The following PARD3B variants were observed in gnomAD, a reference collection of about 807,000 sequenced individuals.
The protein encoded by PARD3B is par-3 family cell polarity regulator beta.
A neutral mutation model predicts 130.2 loss-of-function variants in PARD3B; 103 were observed. The observed-to-expected ratio is 0.79, with a 90% CI of 0.67 to 0.93. The LOEUF is 0.93. Ranked by LOEUF, PARD3B falls within the 40% of genes least tolerant of loss-of-function variation. The pLI is 0.00. For missense variants in PARD3B, 1,609 were observed against 1,499.2 expected (o/e 1.07, Z -1.21); for synonymous variants, 583 against 553.2 (o/e 1.05, Z -0.76).
chr2:204,947,708 C>G (rs543408960), intron 2 of PARD3B, among the ~76,000 whole-genome samples: 19 of 152,226 alleles, frequency 1.2e-4, no homozygotes, highest in Admixed American at 1.1e-3. Context: ...TCTGAAGATT[C>G]TTTCCATGCA....
intron 20 of PARD3B, among the ~76,000 whole-genome samples, chr2:205,455,439 G>A (rs975154462): frequency 1.3e-5 from 2 of 152,042 alleles, no homozygotes; most frequent in Non-Finnish European, 2.9e-5. Flanking sequence ...TGATATGTGA[G>A]CATTTACACC....
At chr2:204,938,394 G>A (rs980905236) in intron 2 of PARD3B, among the ~76,000 whole-genome samples, 5 of 152,130 alleles carry the variant, frequency 3.3e-5, no homozygotes, top group African/African-American at 4.8e-5. Flanking sequence ...TTCCCTCTGC[G>A]TGGAATTCCA....
At position 204,705,787 on chromosome 2, in the gene PARD3B, G is replaced by A. The variant is rs189837017; in HGVS notation, c.222+19505G>A. Among the ~76,000 whole-genome samples, 51 of 152,308 alleles carry A rather than the reference G, an allele frequency of 3.3e-4. 1 individual carries two copies. Among genetic ancestry groups the A allele is most frequent in the African/African-American group, 1.2e-3 (50 of 41,584 alleles). On this transcript the variant is annotated intron_variant, in intron 2 of 22. Transcript: ENST00000406610. The stretch of plus-strand genomic sequence containing the variant: ...TGAACAAGCAGTCCAAAGCAGTGAA[G>A]TGTGTGGAGGCAGCAGCAGGTACTT...
At chr2:205,527,387 C>T (rs1215420761) in intron 21 of PARD3B, among the ~76,000 whole-genome samples, 3 of 151,992 alleles carry the variant, frequency 2.0e-5, no homozygotes, top group Non-Finnish European at 4.4e-5. Flanking sequence ...TTCTGTGGTA[C>T]GTGACCAACA....
Position 205,601,164 on chromosome 2 carries a change from GT to G in PARD3B, c.3261-14290del, listed in dbSNP as rs1226677211. Reference sequence around the variant, plus strand: ...TTTCTCCACAGCCTCGCTGGCATCTGTTGTTTCTTGACTTTTTAATAATCAC... The same window carrying G: ...TTTCTCCACAGCCTCGCTGGCATCTGTGTTTCTTGACTTTTTAATAATCAC... On this transcript the variant is annotated intron_variant, in intron 22 of 22. Coordinates refer to ENST00000406610, the MANE Select transcript of PARD3B (RefSeq NM_001302769.2). Among the ~76,000 whole-genome samples the G allele has an allele frequency of 4.5e-4, 69 of 152,128 alleles. 3 individuals carry two copies. The highest frequency in any genetic ancestry group is 7.4e-5 in the Non-Finnish European group (5 of 68,016).
At chr2:204,842,259 A>G (rs1242126551) in intron 2 of PARD3B, among the ~76,000 whole-genome samples, 1 of 152,168 alleles carries the variant, frequency 6.6e-6, no homozygotes, top group Non-Finnish European at 1.5e-5. Context: ...AGGTGATATA[A>G]AACTCCCAGG....
At position 204,571,913 on chromosome 2, in the gene PARD3B, T is replaced by C. The variant is rs1430169434; in HGVS notation, c.120+25794T>C. On this transcript the variant is annotated intron_variant, in intron 1 of 22. Coordinates refer to ENST00000406610, the MANE Select transcript of PARD3B (RefSeq NM_001302769.2). ...TGTAATTATTATTGCCGTGGCTACA[T>C]GTAAATGTGACTTAAAAGGTCAATC... Among the ~76,000 whole-genome samples the C allele has an allele frequency of 2.6e-5, 4 of 152,340 alleles. No individual in the cohort carries two copies. In the East Asian group the frequency reaches 7.7e-4, roughly 29 times the overall value.
intron 1 of PARD3B, among the ~76,000 whole-genome samples, chr2:204,670,021 G>A (rs1398552841): frequency 6.6e-6 from 1 of 152,092 alleles, no homozygotes; most frequent in Non-Finnish European, 1.5e-5. Context: ...GAAGTTGAAC[G>A]GTTGGGACAG....
intron 2 of PARD3B, among the ~76,000 whole-genome samples, chr2:204,705,307 G>C (rs995987940): frequency 6.6e-6 from 1 of 152,176 alleles, no homozygotes. Flanking sequence ...GAGACAGTAA[G>C]CAAAGCATCA....
chr2:204,936,589 G>C (rs372727088), intron 2 of PARD3B, among the ~76,000 whole-genome samples: 34 of 152,312 alleles, frequency 2.2e-4, no homozygotes, highest in South Asian at 1.0e-3. Flanking sequence ...AGATGATGGA[G>C]CATAGCTGTA....
At chr2:204,862,294 C>A (rs988505176) in intron 2 of PARD3B, among the ~76,000 whole-genome samples, 1 of 152,162 alleles carries the variant, frequency 6.6e-6, no homozygotes, top group African/African-American at 2.4e-5. Flanking sequence ...TTATGCAAGT[C>A]ACATCACTTT....
At chr2:205,331,878 C>T (rs849224) in intron 18 of PARD3B, among the ~76,000 whole-genome samples, 131,661 of 150,648 alleles carry the variant, frequency 0.87, 57,751 homozygotes, top group Admixed American at 0.92. Context: ...GAAGCTGAGG[C>T]GGGCAGATCA....
chr2:205,432,940 C>T (rs1267537318), intron 19 of PARD3B, among the ~76,000 whole-genome samples: 1 of 152,040 alleles, frequency 6.6e-6, no homozygotes, highest in Non-Finnish European at 1.5e-5. Context: ...TCATAAATAC[C>T]TCCTCTAAAG....
At chr2:205,445,185 A>G (rs2047862865) in intron 20 of PARD3B, among the ~76,000 whole-genome samples, 1 of 152,200 alleles carries the variant, frequency 6.6e-6, no homozygotes, top group African/African-American at 2.4e-5. Flanking sequence ...GCCCAAGGTC[A>G]CACAGCATGG....
At chr2:204,886,823 A>G (rs1401359784) in intron 2 of PARD3B, among the ~76,000 whole-genome samples, 3 of 152,214 alleles carry the variant, frequency 2.0e-5, no homozygotes, top group African/African-American at 2.4e-5. Context: ...AGATGAGGAC[A>G]CTTAAAAGTT....
intron 1 of PARD3B, among the ~76,000 whole-genome samples, chr2:204,662,480 A>G (rs962580180): frequency 7.9e-5 from 12 of 152,330 alleles, no homozygotes; most frequent in Admixed American, 5.2e-4. Context: ...ATTCAAATAA[A>G]AAAATGGTGT....
chr2:204,911,892 C>T (rs2047250481), intron 2 of PARD3B, among the ~76,000 whole-genome samples: 1 of 151,756 alleles, frequency 6.6e-6, no homozygotes, highest in Non-Finnish European at 1.5e-5. Context: ...GTCAAATATA[C>T]TTCATAAAGC....
intron 1 of PARD3B, among the ~76,000 whole-genome samples, chr2:204,679,836 T>A (rs1023088227): frequency 2.0e-5 from 3 of 152,048 alleles, no homozygotes; most frequent in Non-Finnish European, 2.9e-5. Context: ...TATTAATTTA[T>A]GAATAACTTA....
In PARD3B at chr2:205,072,407, C is replaced by T. The variant is rs536737726; in HGVS notation, c.504+24717C>T. ...CTGGGATTACAGGCGTGCGCCACCA[C>T]GCCTGGCTAATTTTTACATTTTTGG... is the stretch of plus-strand genomic sequence containing the variant. On this transcript the variant is annotated intron_variant, in intron 4 of 22. Transcript: ENST00000406610. 2.2e-4 allele frequency among the ~76,000 whole-genome samples: 34 copies of T among 152,080 alleles called. 2 individuals carry two copies. In the South Asian group the frequency reaches 6.8e-3, roughly 31 times the overall value.
Sources: gnomAD v4.1 joint callset for allele counts (sites outside exome capture counted in the v4.1 genomes callset) on GRCh38, gnomAD v4.1.1 for gene constraint, MANE v1.5 for transcripts, NCBI Gene and HGNC (gene_info 2026-07-23, HGNC 2026-07-21) for gene names.